The following FLACC1 variants were observed in gnomAD, a reference collection of about 807,000 sequenced individuals.
FLACC1 encodes the protein flagellum associated containing coiled-coil domains 1.
Under a neutral mutation model 62.8 loss-of-function variants are expected in FLACC1, and 66 were observed. The ratio of observed to expected loss-of-function variants is 1.05; its 90% confidence interval spans 0.86 to 1.29. The LOEUF (loss-of-function observed/expected upper bound fraction) is 1.29, where lower values mean the gene tolerates loss of function less well. FLACC1 is among the 50% of genes most tolerant of loss of function. The pLI is 0.00. For synonymous variants in FLACC1, 156 were observed against 161.0 expected (o/e 0.97, Z 0.24); for missense variants, 452 against 489.1 (o/e 0.92, Z 0.71).
At chr2:201,313,684 C>T (rs547560730) in intron 9 of FLACC1, among the ~76,000 whole-genome samples, 6 of 152,246 alleles carry the variant, frequency 3.9e-5, no homozygotes, top group South Asian at 4.1e-4. Context: ...CCCCACCCAC[C>T]GCCTGATCCT....
intron 9 of FLACC1, among the ~76,000 whole-genome samples, chr2:201,323,784 C>CAAAAAAAAAAAAAAAAA (rs71022362): frequency 5.9e-4 from 31 of 52,742 alleles, no homozygotes; most frequent in African/African-American, 2.2e-3. Context: ...CAGACTCTAT[C>CAAAAAAAAAAAAAAAAA]AAAAAAAAAA....
chr2:201,292,545 C>A (rs1264057308), intron 12 of FLACC1, among the ~76,000 whole-genome samples: 1 of 152,210 alleles, frequency 6.6e-6, no homozygotes, highest in East Asian at 1.9e-4. Flanking sequence ...TGGAAAGGAA[C>A]AACCGGTACC....
At chr2:201,338,949 C>T (rs1200171979) in intron 7 of FLACC1, among the ~76,000 whole-genome samples, 1 of 152,156 alleles carries the variant, frequency 6.6e-6, no homozygotes, top group Non-Finnish European at 1.5e-5. Flanking sequence ...GGGAGAATTT[C>T]CTCCTCTTCA....
At chr2:201,316,013 A>G (rs1201218731) in intron 9 of FLACC1, among the ~76,000 whole-genome samples, 1 of 152,158 alleles carries the variant, frequency 6.6e-6, no homozygotes, top group Non-Finnish European at 1.5e-5. Flanking sequence ...GAATGACAAC[A>G]GTGACATAAA....
intron 9 of FLACC1, among the ~76,000 whole-genome samples, chr2:201,316,467 A>T (rs1449722173): frequency 1.3e-5 from 2 of 152,182 alleles, no homozygotes; most frequent in African/African-American, 4.8e-5. Context: ...GAGGAGACAG[A>T]TAAATTCCTG....
chr2:201,356,899 G>C (rs901916777), intron 1 of FLACC1, 83 bp downstream of exon 1: 1 of 152,104 alleles, frequency 6.6e-6, no homozygotes, highest in African/African-American at 2.4e-5. Context: ...CCAGTGAGCC[G>C]GCAGAGGCTT....
chr2:201,344,391 C>T, intron 5 of FLACC1, 128 bp from the exon 6 acceptor site: 1 of 682,576 alleles, frequency 1.5e-6, no homozygotes, highest in South Asian at 1.6e-5. Context: ...TCTGCACCTG[C>T]TCTATCATTA....
At chr2:201,307,203 A>G (rs1475435746) in intron 11 of FLACC1, among the ~76,000 whole-genome samples, 2 of 152,246 alleles carry the variant, frequency 1.3e-5, no homozygotes, top group African/African-American at 4.8e-5. Context: ...GTGAGGAATG[A>G]AAAGGATATT....
chr2:201,347,642 C>CAAAAAAAAAAAAAAAA (rs199933300), intron 4 of FLACC1, among the ~76,000 whole-genome samples: 36 of 145,394 alleles, frequency 2.5e-4, no homozygotes, highest in East Asian at 6.1e-4. Flanking sequence ...AAAAACAAAA[C>CAAAAAAAAAAAAAAAA]AAAAAAAAGA....
In FLACC1 at chr2:201,349,140, C is replaced by T. The variant is rs115733469; in HGVS notation, c.186-838G>A. ...ACGTCCTTGGGAGGGGGTCACTGTC[C>T]TGCCCACCACACCCATCACCTTGTT... is the stretch of plus-strand genomic sequence containing the variant. On this transcript the variant is annotated intron_variant, in intron 3 of 14. Transcript: ENST00000392257. Among the ~76,000 whole-genome samples the T allele has an allele frequency of 1.1e-3, 165 of 152,232 alleles. 1 individual carries two copies. The South Asian group carries it at 0.013, about 12-fold the overall frequency.
intron 11 of FLACC1, among the ~76,000 whole-genome samples, chr2:201,306,208 C>T (rs1364294700): frequency 6.6e-6 from 1 of 151,964 alleles, no homozygotes; most frequent in African/African-American, 2.4e-5. Flanking sequence ...AGGAAGGAGG[C>T]CTGTCTTACA....
At chr2:201,336,401 G>T (rs1198979413) in intron 7 of FLACC1, among the ~76,000 whole-genome samples, 1 of 152,058 alleles carries the variant, frequency 6.6e-6, no homozygotes, top group African/African-American at 2.4e-5. Flanking sequence ...TCTTTATCCA[G>T]TCCACCACTG....
chr2:201,363,466 T>C, the FLACC1 span, among the ~76,000 whole-genome samples: 1 of 152,100 alleles, frequency 6.6e-6, no homozygotes, highest in Admixed American at 6.5e-5. Context: ...CTTGCTCATC[T>C]GGTTCAGCAG....
chr2:201,342,293 G>T, intron 7 of FLACC1, 77 bp downstream of exon 7: 1 of 1,469,280 alleles, frequency 6.8e-7, no homozygotes, highest in Non-Finnish European at 9.5e-7. Flanking sequence ...TGAAGTCCCA[G>T]TGAACTAAAA....
chr2:201,337,840 G>A (rs6745435), intron 7 of FLACC1, among the ~76,000 whole-genome samples: 72,054 of 152,000 alleles, frequency 0.47, 17,618 homozygotes, highest in South Asian at 0.73. Flanking sequence ...ATATTTTGAA[G>A]TCAGGTAATG....
chr2:201,331,919 G>A (rs1032848865), intron 7 of FLACC1, among the ~76,000 whole-genome samples: 2 of 152,158 alleles, frequency 1.3e-5, no homozygotes, highest in African/African-American at 4.8e-5. Context: ...CACTTTTGGG[G>A]ATATTGATAA....
At chr2:201,293,784 T>C (rs544618723) in intron 12 of FLACC1, among the ~76,000 whole-genome samples, 2 of 147,238 alleles carry the variant, frequency 1.4e-5, no homozygotes, top group South Asian at 4.3e-4. Context: ...GCAAGACTAA[T>C]AAAGAAGAAA....
At chr2:201,351,494 T>A in intron 1 of FLACC1, 43 bp from the exon 2 acceptor site, 1 of 967,182 alleles carries the variant, frequency 1.0e-6, no homozygotes, top group Non-Finnish European at 1.6e-6. Context: ...CCATTTAGAA[T>A]CAAAGCAAAA....
chr2:201,344,351 G>T, intron 5 of FLACC1, 88 bp from the exon 6 acceptor site: 1 of 1,106,358 alleles, frequency 9.0e-7, no homozygotes. Context: ...CTGGCATGGT[G>T]AGAGCTGGCC....
Sources: allele counts gnomAD v4.1 joint callset (sites outside exome capture counted in the v4.1 genomes callset), GRCh38; gene constraint gnomAD v4.1.1; transcripts MANE v1.5; gene names NCBI Gene and HGNC (gene_info 2026-07-23, HGNC 2026-07-21).